TRPC4: variants seen among roughly 807,000 people sequenced by gnomAD.
The protein encoded by TRPC4 is transient receptor potential cation channel subfamily C member 4.
TRPC4 carries 49 observed loss-of-function variants against 99.4 expected under a neutral mutation model. That is an observed-to-expected ratio of 0.49 (90% CI 0.39 to 0.63). TRPC4 has a LOEUF of 0.63. Ranked by LOEUF, TRPC4 falls within the 20% of genes least tolerant of loss-of-function variation. TRPC4 has a pLI of 0.00. For synonymous variants in TRPC4, 454 were observed against 425.9 expected, an observed-to-expected ratio of 1.07 and a Z score of -0.81; for missense variants, 898 against 1,152.9, an observed-to-expected ratio of 0.78 and a Z score of 3.20.
chr13:37,748,527 G>A (rs970995988), intron 2 of TRPC4, among the ~76,000 whole-genome samples: 1 of 151,744 alleles, frequency 6.6e-6, no homozygotes, highest in African/African-American at 2.4e-5. Context: ...GATATAGTAA[G>A]TTTATTAAAA....
At chr13:37,698,336 T>TA (rs1953991063) in intron 3 of TRPC4, among the ~76,000 whole-genome samples, 1 of 151,126 alleles carries the variant, frequency 6.6e-6, no homozygotes, top group East Asian at 2.0e-4. Flanking sequence ...TAATTTTTTG[T>TA]ATTTTTAGTA....
At position 37,687,754 on chromosome 13, in the gene TRPC4, C is replaced by T. The variant is rs915705870; in HGVS notation, c.1234+4245G>A. Among the ~76,000 whole-genome samples, 8 of 152,314 alleles carry T rather than the reference C, an allele frequency of 5.3e-5. No individual in the cohort carries two copies. The South Asian group carries it at 1.2e-3, about 24-fold the overall frequency. On this transcript the variant is annotated intron_variant, in intron 4 of 10. Coordinates refer to ENST00000379705, the MANE Select transcript of TRPC4 (RefSeq NM_016179.4). ...ACCCAAGTCTCTGATCTTCTAGCCT[C>T]GAGCTCTTTCTAATCCATCATTCAG...
chr13:37,868,222 G>A (rs927302990), intron 1 of TRPC4, among the ~76,000 whole-genome samples: 1 of 151,978 alleles, frequency 6.6e-6, no homozygotes, highest in Non-Finnish European at 1.5e-5. Flanking sequence ...TATAAGTAAT[G>A]AAAATCTATT....
At chr13:37,753,206 T>C (rs1955985858) in intron 2 of TRPC4, among the ~76,000 whole-genome samples, 1 of 151,882 alleles carries the variant, frequency 6.6e-6, no homozygotes, top group South Asian at 2.1e-4. Flanking sequence ...AGAGAAGACA[T>C]GAGAGATACA....
intron 1 of TRPC4, among the ~76,000 whole-genome samples, chr13:37,866,192 T>C (rs1959734503): frequency 6.6e-6 from 1 of 151,862 alleles, no homozygotes; most frequent in South Asian, 2.1e-4. Flanking sequence ...GGCATATTTT[T>C]AAATTAATGT....
At position 37,663,505 on chromosome 13, in the gene TRPC4, G is replaced by T; in HGVS notation, c.1599C>A (p.Gly533=). 1 of 1,614,088 alleles carries T rather than the reference G, an allele frequency of 6.2e-7. No homozygotes were observed. ...YCLVLLAFAN[G]LNQLYFYYEE... is the part of the protein sequence containing the mutation. Reference sequence around the variant, plus strand: ...CATAATAGAAGTACAATTGATTTAGGCCATTTGCAAATGCTAGCAACACAA... The same window carrying T: ...CATAATAGAAGTACAATTGATTTAGTCCATTTGCAAATGCTAGCAACACAA... The change falls in exon 6 of 11, where the codon GGC becomes GGA. Residue 533 remains glycine, a synonymous_variant. Coordinates refer to ENST00000379705, the MANE Select transcript of TRPC4 (RefSeq NM_016179.4).
chr13:37,835,546 G>T (rs1958542591), intron 1 of TRPC4, among the ~76,000 whole-genome samples: 1 of 152,208 alleles, frequency 6.6e-6, no homozygotes, highest in South Asian at 2.1e-4. Flanking sequence ...ACTAGCTACT[G>T]AGAACACCCA....
intron 5 of TRPC4, among the ~76,000 whole-genome samples, chr13:37,668,777 T>G (rs887903926): frequency 2.6e-5 from 4 of 152,178 alleles, no homozygotes; most frequent in African/African-American, 9.7e-5. Context: ...TCAGTGAGAT[T>G]AAATAAGAAA....
chr13:37,852,645 A>G lies in TRPC4; in HGVS notation c.-28+16950T>C, dbSNP rs140820615. On this transcript the variant is annotated intron_variant, in intron 1 of 10. Coordinates refer to ENST00000379705, the MANE Select transcript of TRPC4 (RefSeq NM_016179.4). ...TACCAGCTTGCACACAGTGGGGCAG[A>G]GCAATAAGCAGGCACTTGGGGTCCC... is the stretch of plus-strand genomic sequence containing the variant. Among the ~76,000 whole-genome samples the G allele has an allele frequency of 6.7e-3, 1,021 of 152,282 alleles. 9 individuals carry two copies. Among genetic ancestry groups the G allele is most frequent in the African/African-American group, 0.023 (973 of 41,542 alleles).
At chr13:37,646,652 A>C (rs144525619) in intron 8 of TRPC4, among the ~76,000 whole-genome samples, 4 of 152,336 alleles carry the variant, frequency 2.6e-5, no homozygotes, top group Admixed American at 2.6e-4. Context: ...AGAAATGTCT[A>C]GTTAAAGTTG....
intron 1 of TRPC4, among the ~76,000 whole-genome samples, chr13:37,784,236 T>C (rs1246703246): frequency 1.3e-5 from 2 of 152,130 alleles, no homozygotes; most frequent in African/African-American, 2.4e-5. Flanking sequence ...GAATTTATTA[T>C]AAAAATGTTA....
intron 1 of TRPC4, among the ~76,000 whole-genome samples, chr13:37,825,699 G>A (rs1958183613): frequency 1.4e-5 from 2 of 144,622 alleles, no homozygotes; most frequent in African/African-American, 5.1e-5. Context: ...CCAAGTATGT[G>A]GTCAATTTTG....
intron 3 of TRPC4, among the ~76,000 whole-genome samples, chr13:37,713,676 A>G (rs73456497): frequency 0.04 from 6,103 of 152,270 alleles, 390 homozygotes; most frequent in African/African-American, 0.14. Flanking sequence ...CTGAACATAC[A>G]TAATGGAAAA....
intron 3 of TRPC4, among the ~76,000 whole-genome samples, chr13:37,712,965 A>G (rs895355532): frequency 5.3e-5 from 8 of 152,240 alleles, no homozygotes; most frequent in Admixed American, 3.9e-4. Context: ...AAACACATGC[A>G]TGCTCACACA....
intron 2 of TRPC4, among the ~76,000 whole-genome samples, chr13:37,775,732 T>C (rs1361087380): frequency 6.6e-6 from 1 of 151,810 alleles, no homozygotes; most frequent in Non-Finnish European, 1.5e-5. Context: ...ATTTTCATAT[T>C]GTGGAATAAA....
intron 1 of TRPC4, among the ~76,000 whole-genome samples, chr13:37,836,656 G>T (rs1958574536): frequency 6.6e-6 from 1 of 152,134 alleles, no homozygotes; most frequent in Non-Finnish European, 1.5e-5. Context: ...AGCACTGGGT[G>T]CTGTTAAAGG....
intron 6 of TRPC4, among the ~76,000 whole-genome samples, chr13:37,658,033 T>C (rs568799518): frequency 6.6e-6 from 1 of 152,306 alleles, no homozygotes; most frequent in East Asian, 1.9e-4. Context: ...TCAGTCTAAG[T>C]TAACATTTCA....
At chr13:37,699,944 A>C (rs541832368) in intron 3 of TRPC4, among the ~76,000 whole-genome samples, 1 of 108,050 alleles carries the variant, frequency 9.3e-6, no homozygotes, top group East Asian at 2.6e-4. Context: ...AGGCAAAGGA[A>C]ATAAAGCATG....
chr13:37,769,404 T>A (rs918600795), intron 2 of TRPC4, among the ~76,000 whole-genome samples: 3 of 151,416 alleles, frequency 2.0e-5, no homozygotes, highest in Admixed American at 1.3e-4. Context: ...GGTGAAAACA[T>A]CCTTCCTAAA....
Sources: gnomAD v4.1 joint callset for allele counts (sites outside exome capture counted in the v4.1 genomes callset) on GRCh38, gnomAD v4.1.1 for gene constraint, MANE v1.5 for transcripts, NCBI Gene and HGNC (gene_info 2026-07-23, HGNC 2026-07-21) for gene names.